Variants in RPIA observed in about 807,000 individuals in gnomAD.
The protein encoded by RPIA is ribose 5-phosphate isomerase A.
In RPIA, 29 loss-of-function variants were observed where a neutral mutation model predicts 37.8. The observed-to-expected ratio is 0.77, with a 90% CI of 0.57 to 1.05. The LOEUF is 1.05. RPIA is among the 50% of genes least tolerant of loss of function. The pLI, the probability that RPIA is intolerant of heterozygous loss-of-function variation, is 0.00. For missense variants in RPIA, 385 were observed against 413.6 expected, an observed-to-expected ratio of 0.93 and a Z score of 0.60; for synonymous variants, 167 against 157.0, an observed-to-expected ratio of 1.06 and a Z score of -0.48.
chr2:88,700,433 C>G (rs565511116), intron 3 of RPIA, among the ~76,000 whole-genome samples: 1 of 152,302 alleles, frequency 6.6e-6, no homozygotes, highest in African/African-American at 2.4e-5. Context: ...AGGCAGATCA[C>G]TTGAGCACAG....
intron 8 of RPIA, among the ~76,000 whole-genome samples, chr2:88,743,485 G>A (rs1337937941): frequency 1.3e-5 from 2 of 152,152 alleles, no homozygotes; most frequent in African/African-American, 2.4e-5. Context: ...AGGGATATTG[G>A]TCTGTAGTTT....
At chr2:88,707,491 TG>T (rs1362989424) in intron 3 of RPIA, among the ~76,000 whole-genome samples, 1 of 152,196 alleles carries the variant, frequency 6.6e-6, no homozygotes, top group East Asian at 1.9e-4. Flanking sequence ...CCAATAATGT[TG>T]GGTGCTCCAA....
chr2:88,695,109 C>A (rs1261744157), intron 1 of RPIA, among the ~76,000 whole-genome samples: 1 of 152,150 alleles, frequency 6.6e-6, no homozygotes, highest in African/African-American at 2.4e-5. Context: ...GCTCTGTGCT[C>A]CTTCTTACAT....
intron 4 of RPIA, among the ~76,000 whole-genome samples, chr2:88,729,610 T>A (rs1156835325): frequency 1.3e-5 from 2 of 152,198 alleles, no homozygotes; most frequent in Non-Finnish European, 2.9e-5. Flanking sequence ...TATCCAGGGC[T>A]TCCTGAGGTC....
intron 3 of RPIA, among the ~76,000 whole-genome samples, chr2:88,723,916 G>A (rs1673164866): frequency 6.6e-6 from 1 of 152,008 alleles, no homozygotes; most frequent in Non-Finnish European, 1.5e-5. Context: ...ACTTGAAGCT[G>A]GAAGGGAGCT....
At chr2:88,719,243 A>G (rs4972011) in intron 3 of RPIA, among the ~76,000 whole-genome samples, 118,908 of 152,062 alleles carry the variant, frequency 0.78, 47,010 homozygotes, top group East Asian at 0.97. Context: ...TTACCTCTGT[A>G]GCACATAGTA....
chr2:88,720,706 C>G (rs1345483402), intron 3 of RPIA, among the ~76,000 whole-genome samples: 2 of 151,796 alleles, frequency 1.3e-5, no homozygotes, highest in Non-Finnish European at 2.9e-5. Context: ...ATTAAAAAGT[C>G]AGGAAACAAC....
At position 88,747,760 on chromosome 2, in the gene RPIA, T is replaced by G. The variant is rs536328967; in HGVS notation, c.839-2221T>G. Among the ~76,000 whole-genome samples the G allele has an allele frequency of 2.6e-5, 4 of 152,354 alleles. No homozygotes were observed. In the South Asian group the frequency reaches 8.3e-4, roughly 32 times the overall value. ...GATTTTTCAGGTTCCCCGGTGGGGA[T>G]GTATGTTCAGAGGCAGACTTTTCCC... On this transcript the variant is annotated intron_variant, in intron 8 of 8. Coordinates refer to ENST00000283646, the MANE Select transcript of RPIA (RefSeq NM_144563.3).
intron 8 of RPIA, among the ~76,000 whole-genome samples, chr2:88,746,812 T>A (rs1302451529): frequency 6.6e-6 from 1 of 152,174 alleles, no homozygotes; most frequent in Non-Finnish European, 1.5e-5. Flanking sequence ...GGCGGTGGAA[T>A]TAGCTGTTGT....
At chr2:88,700,155 C>T (rs1055500738) in intron 3 of RPIA, 91 bp downstream of exon 3, 48 of 1,217,006 alleles carry the variant, frequency 3.9e-5, no homozygotes, top group Middle Eastern at 1.9e-4. Flanking sequence ...TCTTGTACCT[C>T]AAGGTTGTTC....
chr2:88,698,651 C>T, intron 2 of RPIA, 107 bp downstream of exon 2: 1 of 981,556 alleles, frequency 1.0e-6, no homozygotes, highest in South Asian at 1.3e-5. Flanking sequence ...CTTTTGGCTT[C>T]AGCAGTACAG....
chr2:88,740,144 A>G (rs1445462450), intron 8 of RPIA, among the ~76,000 whole-genome samples: 5 of 152,138 alleles, frequency 3.3e-5, no homozygotes, highest in African/African-American at 1.2e-4. Context: ...CCCAGGAGGA[A>G]AGGGCTCACC....
chr2:88,721,079 G>T (rs994828268), intron 3 of RPIA, among the ~76,000 whole-genome samples: 1 of 152,088 alleles, frequency 6.6e-6, no homozygotes, highest in Non-Finnish European at 1.5e-5. Context: ...CATGGATGAA[G>T]CTGGAAACCA....
intron 8 of RPIA, among the ~76,000 whole-genome samples, chr2:88,747,404 C>T (rs959644347): frequency 1.3e-5 from 2 of 152,208 alleles, no homozygotes; most frequent in African/African-American, 2.4e-5. Flanking sequence ...TGCCTGCCTG[C>T]ACCTTCGGCT....
chr2:88,707,132 A>C (rs141597066), intron 3 of RPIA, among the ~76,000 whole-genome samples: 1 of 152,178 alleles, frequency 6.6e-6, no homozygotes, highest in Non-Finnish European at 1.5e-5. Context: ...GACGCATGCA[A>C]TTTTCCATCA....
intron 3 of RPIA, among the ~76,000 whole-genome samples, chr2:88,717,380 A>G (rs1673049296): frequency 6.6e-6 from 1 of 152,206 alleles, no homozygotes; most frequent in African/African-American, 2.4e-5. Flanking sequence ...ATGAGACATC[A>G]GTCAACATAT....
At chr2:88,743,656 T>C (rs1441641480) in intron 8 of RPIA, among the ~76,000 whole-genome samples, 1 of 152,156 alleles carries the variant, frequency 6.6e-6, no homozygotes, top group Admixed American at 6.5e-5. Context: ...TGTGAATCCA[T>C]TTGGTTCTGG....
chr2:88,705,283 A>C (rs1672884068), intron 3 of RPIA, among the ~76,000 whole-genome samples: 1 of 152,226 alleles, frequency 6.6e-6, no homozygotes, highest in African/African-American at 2.4e-5. Flanking sequence ...AAAAGAACAA[A>C]GCTGGAGGCA....
At chr2:88,703,420 A>G (rs888634938) in intron 3 of RPIA, among the ~76,000 whole-genome samples, 1 of 152,210 alleles carries the variant, frequency 6.6e-6, no homozygotes, top group African/African-American at 2.4e-5. Context: ...TGAAATCTAG[A>G]CAGAGGTTCC....
Sources: gnomAD v4.1 joint callset for allele counts (sites outside exome capture counted in the v4.1 genomes callset) on GRCh38, gnomAD v4.1.1 for gene constraint, MANE v1.5 for transcripts, NCBI Gene and HGNC (gene_info 2026-07-23, HGNC 2026-07-21) for gene names.